The following CSMD1 variants were observed in gnomAD, a reference collection of about 807,000 sequenced individuals.
CSMD1 encodes the protein CUB and Sushi multiple domains 1, also known as CUB and sushi domain-containing protein 1.
CSMD1 carries 213 observed loss-of-function variants against 417.5 expected under a neutral mutation model. That is an observed-to-expected ratio of 0.51 (90% CI 0.46 to 0.57). The LOEUF (loss-of-function observed/expected upper bound fraction) is 0.57. Among genes scored for constraint, CSMD1 ranks in the 20% least tolerant of loss-of-function variants. CSMD1 has a pLI of 0.00. For missense variants in CSMD1, 6,923 were observed against 4,529.7 expected, an observed-to-expected ratio of 1.53 and a Z score of -15.17; for synonymous variants, 2,862 against 1,736.8, an observed-to-expected ratio of 1.65 and a Z score of -16.11.
chr8:3,175,507 G>GCCTGCCTGCCTGCCTGCCTGCCTT lies in CSMD1; in HGVS notation c.5725+5602_5725+5603insAAGGCAGGCAGGCAGGCAGGCAGG, dbSNP rs149583717. Among the ~76,000 whole-genome samples, 464 of 125,890 alleles carry GCCTGCCTGCCTGCCTGCCTGCCTT rather than the reference G, an allele frequency of 3.7e-3. 4 individuals are homozygous for GCCTGCCTGCCTGCCTGCCTGCCTT. Among genetic ancestry groups the GCCTGCCTGCCTGCCTGCCTGCCTT allele is most frequent in the South Asian group, 5.8e-3 (19 of 3,264 alleles). 82.6% of individuals were successfully genotyped at this position (125,890 alleles called of 152,430 possible). On this transcript the variant is annotated intron_variant, in intron 37 of 69. Coordinates refer to ENST00000635120, the MANE Select transcript of CSMD1 (RefSeq NM_033225.6). ...TTCCTGCCTGCCTGCCTGCCTGCCTGCCTTTTTTCCTTCCTTCCTTCCTTC... is the reference window on the plus strand; with the variant it reads ...TTCCTGCCTGCCTGCCTGCCTGCCTGCCTGCCTGCCTGCCTGCCTGCCTTCCTTTTTTCCTTCCTTCCTTCCTTC...
chr8:4,456,792 C>G (rs1165091132), intron 2 of CSMD1, among the ~76,000 whole-genome samples: 2 of 151,956 alleles, frequency 1.3e-5, no homozygotes, highest in African/African-American at 4.8e-5. Flanking sequence ...ACGAGGTAAG[C>G]TGAAGAAGCT....
intron 3 of CSMD1, among the ~76,000 whole-genome samples, chr8:4,094,260 G>C (rs909145438): frequency 6.6e-6 from 1 of 152,068 alleles, no homozygotes; most frequent in Non-Finnish European, 1.5e-5. Context: ...TTGTAAATCA[G>C]GGGTGATCTA....
intron 54 of CSMD1, among the ~76,000 whole-genome samples, chr8:2,982,503 A>T (rs1287106580): frequency 1.3e-5 from 2 of 152,210 alleles, no homozygotes; most frequent in Non-Finnish European, 2.9e-5. Flanking sequence ...TGATCGCCTG[A>T]TGAAGGAAGC....
At chr8:4,252,566 C>A (rs1446135180) in intron 3 of CSMD1, among the ~76,000 whole-genome samples, 2 of 152,186 alleles carry the variant, frequency 1.3e-5, no homozygotes, top group Non-Finnish European at 2.9e-5. Flanking sequence ...ACAGAAACTG[C>A]TACTTACCTA....
At chr8:3,303,449 T>C (rs547033741) in intron 25 of CSMD1, among the ~76,000 whole-genome samples, 1 of 152,206 alleles carries the variant, frequency 6.6e-6, no homozygotes, top group Non-Finnish European at 1.5e-5. Context: ...AAAGTCTGCA[T>C]AGGAATGCTT....
intron 3 of CSMD1, among the ~76,000 whole-genome samples, chr8:4,213,589 G>A (rs750956075): frequency 2.6e-5 from 4 of 152,232 alleles, no homozygotes; most frequent in Non-Finnish European, 5.9e-5. Context: ...CAACGTGAAA[G>A]AAAAATCAAA....
At chr8:4,478,153 G>C (rs892212214) in intron 2 of CSMD1, among the ~76,000 whole-genome samples, 10 of 152,016 alleles carry the variant, frequency 6.6e-5, no homozygotes, top group African/African-American at 2.4e-4. Flanking sequence ...AGCAAAGATG[G>C]GCAATTTTCT....
At chr8:4,047,428 A>G (rs998285067) in intron 3 of CSMD1, among the ~76,000 whole-genome samples, 1 of 152,176 alleles carries the variant, frequency 6.6e-6, no homozygotes, top group Non-Finnish European at 1.5e-5. Context: ...TGAAATTAAA[A>G]TGGCATTTTT....
At chr8:3,347,589 G>A (rs563410399) in intron 22 of CSMD1, among the ~76,000 whole-genome samples, 2 of 152,282 alleles carry the variant, frequency 1.3e-5, no homozygotes, top group South Asian at 2.1e-4. Flanking sequence ...TGGGGATCCT[G>A]CAACTTTTAA....
intron 25 of CSMD1, among the ~76,000 whole-genome samples, chr8:3,295,349 A>C (rs528588468): frequency 1.4e-4 from 22 of 152,072 alleles, no homozygotes; most frequent in Non-Finnish European, 3.2e-4. Context: ...GAAGGTCTCG[A>C]TCTCCTGACC....
intron 63 of CSMD1, 117 bp downstream of exon 63, chr8:2,957,579 A>C: frequency 1.4e-6 from 1 of 723,208 alleles, no homozygotes; most frequent in African/African-American, 1.8e-5. Flanking sequence ...GACATCCGAA[A>C]ATTTAGGATT....
At chr8:3,095,578 C>G (rs1278002431) in intron 47 of CSMD1, among the ~76,000 whole-genome samples, 3 of 152,188 alleles carry the variant, frequency 2.0e-5, no homozygotes, top group South Asian at 2.1e-4. Context: ...TCAGTGATGT[C>G]TATCCATACA....
chr8:4,993,591 C>T (rs942871516), intron 1 of CSMD1, among the ~76,000 whole-genome samples: 16 of 152,148 alleles, frequency 1.1e-4, no homozygotes, highest in African/African-American at 3.6e-4. Flanking sequence ...AACTCCTTCC[C>T]CTGACCAGCG....
At chr8:4,952,007 TTATA>T (rs1808785015) in intron 1 of CSMD1, among the ~76,000 whole-genome samples, 1 of 151,182 alleles carries the variant, frequency 6.6e-6, no homozygotes, top group Non-Finnish European at 1.5e-5. Flanking sequence ...AAGGTTTTAA[TTATA>T]TATATAATAT....
At chr8:2,968,968 T>A (rs1260866629) in intron 57 of CSMD1, among the ~76,000 whole-genome samples, 1 of 151,994 alleles carries the variant, frequency 6.6e-6, no homozygotes, top group African/African-American at 2.4e-5. Context: ...ATATACTTTA[T>A]TATTTACAAA....
At chr8:3,951,757 T>G (rs868525324) in intron 5 of CSMD1, among the ~76,000 whole-genome samples, 1 of 151,900 alleles carries the variant, frequency 6.6e-6, no homozygotes, top group Non-Finnish European at 1.5e-5. Context: ...AATAGATGAG[T>G]AGAAAATGAG....
chr8:3,001,825 T>C (rs1807429750), intron 52 of CSMD1, among the ~76,000 whole-genome samples: 1 of 152,226 alleles, frequency 6.6e-6, no homozygotes, highest in Non-Finnish European at 1.5e-5. Flanking sequence ...CCATACAAGT[T>C]CCTGCACACC....
chr8:3,181,152 C>G lies in CSMD1; in HGVS notation c.5683G>C (p.Asp1895His). 3.1e-6 allele frequency: 5 copies of G among 1,613,896 alleles called. No individual in the cohort carries two copies. The highest frequency in any genetic ancestry group is 4.2e-6 in the Non-Finnish European group (5 of 1,179,864). Residue 1895 changes from aspartate (D) to histidine (H), a missense_variant, in exon 37 of 70, where the codon GAC becomes CAC. Asp to His is a moderately conservative substitution (Grantham distance 81). Transcript: ENST00000635120. ...AAACCAGCAGCTGCCACACTAATGT[C>G]AGACTGGAAATGCAGGTAGAGTTGG... ...SNQLYLHFQS[D>H]ISVAAAGFHL...
At chr8:4,908,773 GC>G (rs1805471955) in intron 1 of CSMD1, among the ~76,000 whole-genome samples, 1 of 151,708 alleles carries the variant, frequency 6.6e-6, no homozygotes, top group Admixed American at 6.6e-5. Context: ...TCATGTTTCT[GC>G]TTGCATAGCT....
Sources: allele counts gnomAD v4.1 joint callset (sites outside exome capture counted in the v4.1 genomes callset), GRCh38; gene constraint gnomAD v4.1.1; transcripts MANE v1.5; gene names NCBI Gene and HGNC (gene_info 2026-07-23, HGNC 2026-07-21).